AK4: variants seen among roughly 807,000 people sequenced by gnomAD.
AK4 encodes adenylate kinase 4, mitochondrial.
A neutral mutation model predicts 24.6 loss-of-function variants in AK4; 13 were observed. The ratio of observed to expected loss-of-function variants is 0.53; its 90% CI spans 0.34 to 0.84. The LOEUF (loss-of-function observed/expected upper bound fraction) is 0.84, where lower values mean the gene tolerates loss of function less well. AK4 is among the 40% of genes least tolerant of loss of function. The probability of loss-of-function intolerance (pLI) is 0.01; values close to 1 mark genes in which losing one functional copy is unlikely to be tolerated. For missense variants in AK4, 192 were observed against 288.2 expected, an observed-to-expected ratio of 0.67 and a Z score of 2.42; for synonymous variants, 88 against 107.0, an observed-to-expected ratio of 0.82 and a Z score of 1.10.
intron 1 of AK4, among the ~76,000 whole-genome samples, chr1:65,178,722 G>T (rs1650801672): frequency 6.6e-6 from 1 of 152,158 alleles, no homozygotes; most frequent in Admixed American, 6.5e-5. Flanking sequence ...TCAGATTGGG[G>T]TGTCCACCTC....
intron 2 of AK4, among the ~76,000 whole-genome samples, chr1:65,194,492 GTC>G (rs1651408183): frequency 1.3e-5 from 2 of 151,260 alleles, no homozygotes; most frequent in Non-Finnish European, 1.5e-5. Flanking sequence ...TTGAGATGAA[GTC>G]TCTGTCGCCC....
At chr1:65,163,226 A>G (rs1423185971) in intron 1 of AK4, among the ~76,000 whole-genome samples, 1 of 152,204 alleles carries the variant, frequency 6.6e-6, no homozygotes, top group African/African-American at 2.4e-5. Flanking sequence ...CCCACTAGCA[A>G]TGAATGAAGG....
chr1:65,215,412 T>C (rs750883411), intron 2 of AK4, among the ~76,000 whole-genome samples: 67 of 152,180 alleles, frequency 4.4e-4, no homozygotes, highest in Non-Finnish European at 2.6e-4. Flanking sequence ...TCTCAGGTCA[T>C]TCACCCGCCT....
At chr1:65,149,136 C>T (rs561511205) in intron 1 of AK4, 1 of 152,814 alleles carries the variant, frequency 6.5e-6, no homozygotes, top group African/African-American at 2.4e-5. Flanking sequence ...TTGTCGCCTT[C>T]TAAGGTAAAC....
At chr1:65,216,370 G>A (rs754305557) in intron 2 of AK4, among the ~76,000 whole-genome samples, 11 of 151,924 alleles carry the variant, frequency 7.2e-5, no homozygotes, top group Admixed American at 2.0e-4. Context: ...GTGATCCACC[G>A]GCCTGGGCTT....
At chr1:65,156,850 C>T (rs867041401) in intron 1 of AK4, among the ~76,000 whole-genome samples, 41 of 149,768 alleles carry the variant, frequency 2.7e-4, no homozygotes, top group African/African-American at 7.7e-4. Flanking sequence ...TGCTTGAACC[C>T]GGGAGGCGGA....
chr1:65,227,452 T>C lies in AK4; in HGVS notation c.*1275T>C, dbSNP rs1411259264. On this transcript the variant is annotated 3_prime_UTR_variant, in exon 5 of 5. Coordinates refer to ENST00000327299, the MANE Select transcript of AK4 (RefSeq NM_013410.4). Reference sequence around the variant, plus strand: ...TAAAGTCTAGAATTAGATACTAATATTTTGTCATTCATTATAACATATCAA... The same window carrying C: ...TAAAGTCTAGAATTAGATACTAATACTTTGTCATTCATTATAACATATCAA... 4.6e-5 allele frequency: 7 copies of C among 152,524 alleles called. No homozygotes were observed. Among genetic ancestry groups the C allele is most frequent in the Non-Finnish European group, 1.0e-4 (7 of 68,026 alleles). The allele number at this position is 152,524 out of a possible 1,614,324, so 9.4% of individuals were successfully genotyped here.
intron 3 of AK4, among the ~76,000 whole-genome samples, chr1:65,222,633 G>T (rs566478681): frequency 6.6e-6 from 1 of 152,268 alleles, no homozygotes; most frequent in South Asian, 2.1e-4. Flanking sequence ...TGGCAATAGA[G>T]GTAATATATT....
Position 65,224,733 on chromosome 1 carries a change from G to A in AK4, c.439-19G>A. The A allele has an allele frequency of 6.3e-7, 1 of 1,599,538 alleles. No individual in the cohort carries two copies. The highest frequency in any genetic ancestry group is 8.6e-7 in the Non-Finnish European group (1 of 1,168,850). ...GCCCAACTGTTGTCTATATTAATTGGTTTATTTGGTATTTGTAGGGTATTG... is the reference window on the plus strand; with the variant it reads ...GCCCAACTGTTGTCTATATTAATTGATTTATTTGGTATTTGTAGGGTATTG... On this transcript the variant is annotated intron_variant, in intron 3 of 4. Coordinates refer to ENST00000327299, the MANE Select transcript of AK4 (RefSeq NM_013410.4).
intron 1 of AK4, among the ~76,000 whole-genome samples, chr1:65,182,891 G>A (rs956312967): frequency 8.5e-5 from 13 of 152,146 alleles, no homozygotes; most frequent in Non-Finnish European, 1.8e-4. Flanking sequence ...CAGTGTAAGA[G>A]CCTCTATATC....
chr1:65,188,302 G>C (rs2101037086), intron 1 of AK4, among the ~76,000 whole-genome samples: 1 of 152,052 alleles, frequency 6.6e-6, no homozygotes, highest in South Asian at 2.1e-4. Flanking sequence ...GGCTGGGGCA[G>C]GAGAATCGCT....
In AK4 at chr1:65,167,919, A is replaced by T. The variant is rs552433434; in HGVS notation, c.145+19367A>T. Among the ~76,000 whole-genome samples, 396 of 152,296 alleles carry T rather than the reference A, an allele frequency of 2.6e-3. 1 individual carries two copies. Among genetic ancestry groups the T allele is most frequent in the Middle Eastern group, 6.8e-3 (2 of 294 alleles). ...TGTTGTCACATAAATTAAATCCGCT[A>T]GCTCTTCAGATAATTGAAAATAGTT... On this transcript the variant is annotated intron_variant, in intron 1 of 4. Transcript: ENST00000327299.
At chr1:65,192,366 G>A (rs191321407) in intron 2 of AK4, among the ~76,000 whole-genome samples, 1 of 152,300 alleles carries the variant, frequency 6.6e-6, no homozygotes. Flanking sequence ...ACCCACTTCT[G>A]TGATAAGAGC....
intron 2 of AK4, among the ~76,000 whole-genome samples, chr1:65,216,986 C>T (rs1034568460): frequency 2.4e-4 from 37 of 152,316 alleles, no homozygotes; most frequent in Admixed American, 6.5e-5. Context: ...CAGGTGTGAG[C>T]GACTGTGCCT....
At chr1:65,221,420 C>T (rs1341146904) in intron 3 of AK4, among the ~76,000 whole-genome samples, 1 of 152,124 alleles carries the variant, frequency 6.6e-6, no homozygotes, top group Non-Finnish European at 1.5e-5. Flanking sequence ...ACTAAGCACT[C>T]CTTTTGAAGT....
chr1:65,213,369 T>C (rs1211973999), intron 2 of AK4, among the ~76,000 whole-genome samples: 1 of 152,134 alleles, frequency 6.6e-6, no homozygotes, highest in Non-Finnish European at 1.5e-5. Flanking sequence ...ATGGAAGTAG[T>C]GGCTGTGTTG....
rs544620826 is a variant in AK4 at position 65,166,486 on chromosome 1, T to A, written c.145+17934T>A. 3.1e-4 allele frequency among the ~76,000 whole-genome samples: 47 copies of A among 152,292 alleles called. 1 individual carries two copies. The South Asian group carries it at 9.8e-3, about 32-fold the overall frequency. ...AAAATATTTGCATTAAAGTTATGTGTGTTCCTCATTTGGAAGACTCCTTGA... is the reference window on the plus strand; with the variant it reads ...AAAATATTTGCATTAAAGTTATGTGAGTTCCTCATTTGGAAGACTCCTTGA... On this transcript the variant is annotated intron_variant, in intron 1 of 4. Transcript: ENST00000327299.
In AK4 at chr1:65,228,588, G is replaced by C. The variant is rs1240724692; in HGVS notation, c.*2411G>C. 2.0e-5 allele frequency: 3 copies of C among 151,984 alleles called. No individual in the cohort carries two copies. Among genetic ancestry groups the C allele is most frequent in the Non-Finnish European group, 4.4e-5 (3 of 68,022 alleles). The allele number at this position is 151,984 out of a possible 1,614,324, so 9.4% of individuals were successfully genotyped here. On this transcript the variant is annotated 3_prime_UTR_variant, in exon 5 of 5. Coordinates refer to ENST00000327299, the MANE Select transcript of AK4 (RefSeq NM_013410.4). ...CATAATGCTTATTTCGTGGTCAATG[G>C]CTTTAAAAAAATCTGTTTCTTGTTT... is the stretch of plus-strand genomic sequence containing the variant.
intron 2 of AK4, among the ~76,000 whole-genome samples, chr1:65,200,604 A>G (rs915598313): frequency 2.6e-5 from 4 of 152,202 alleles, no homozygotes; most frequent in African/African-American, 9.6e-5. Context: ...TGCTGATTGC[A>G]CTGAAGCTAT....
Sources: gnomAD v4.1 joint callset for allele counts (sites outside exome capture counted in the v4.1 genomes callset) on GRCh38, gnomAD v4.1.1 for gene constraint, MANE v1.5 for transcripts, NCBI Gene and HGNC (gene_info 2026-07-23, HGNC 2026-07-21) for gene names.